The following LPO variants were observed in gnomAD, a reference collection of about 807,000 sequenced individuals.
LPO encodes the protein lactoperoxidase.
LPO carries 70 observed loss-of-function variants against 68.4 expected under a neutral mutation model. The ratio of observed to expected loss-of-function variants is 1.02; its 90% CI spans 0.84 to 1.25. The LOEUF (loss-of-function observed/expected upper bound fraction) is 1.25, where lower values mean the gene tolerates loss of function less well. Among genes scored for constraint, LPO ranks in the 50% most tolerant of loss-of-function variants. The probability of loss-of-function intolerance (pLI) is 0.00; values close to 1 mark genes in which losing one functional copy is unlikely to be tolerated. For synonymous variants in LPO, 360 were observed against 357.6 expected (o/e 1.01, Z -0.08); for missense variants, 873 against 908.4 (o/e 0.96, Z 0.50).
At position 58,266,222 on chromosome 17, in the gene LPO, T is replaced by C; in HGVS notation, c.1589T>C (p.Met530Thr). ...AAGCTGATGAAACAGAATAAAATGA[T>C]GACTGGAGAGCTGCGCAACAAGCTT... ...KSKLMKQNKM[M>T]TGELRNKLFQ... The change falls in exon 11 of 13, where the codon ATG becomes ACG. Residue 530 changes from methionine to threonine, a missense_variant. Physicochemically the swap from Met to Thr is moderately conservative, Grantham distance 81. Coordinates refer to ENST00000262290, the MANE Select transcript of LPO (RefSeq NM_006151.3). The C allele has an allele frequency of 6.2e-7, 1 of 1,614,144 alleles. No homozygotes were observed. Among genetic ancestry groups the C allele is most frequent in the Non-Finnish European group, 8.5e-7 (1 of 1,180,026 alleles).
At chr17:58,257,965 C>T (rs1313545166) in intron 9 of LPO, among the ~76,000 whole-genome samples, 3 of 152,136 alleles carry the variant, frequency 2.0e-5, no homozygotes, top group African/African-American at 4.8e-5. Flanking sequence ...AATCTTTTGC[C>T]TATCTTTTGA....
chr17:58,244,018 T>C lies in LPO; in HGVS notation c.101T>C (p.Ile34Thr). The C allele has an allele frequency of 1.2e-6, 2 of 1,613,580 alleles. No individual in the cohort carries two copies. Among genetic ancestry groups the C allele is most frequent in the Non-Finnish European group, 1.7e-6 (2 of 1,179,918 alleles). The change falls in exon 3 of 13, where the codon ATC becomes ACC. Residue 34 changes from isoleucine to threonine, a missense_variant. By Grantham distance (89) the Ile-to-Thr change is moderately conservative. Coordinates refer to ENST00000262290, the MANE Select transcript of LPO (RefSeq NM_006151.3). ...TRAQTTRTSA[I>T]SDTVSQAKVQ... ...GCGCAGACTACCAGAACCTCTGCCA[T>C]CTCCGATACTGTGAGTCAGGCCAAG...
chr17:58,261,759 T>C (rs1970179219), intron 9 of LPO, among the ~76,000 whole-genome samples: 2 of 152,174 alleles, frequency 1.3e-5, no homozygotes, highest in South Asian at 2.1e-4. Flanking sequence ...TTTTTAGAGG[T>C]CCATTTGATC....
intron 9 of LPO, among the ~76,000 whole-genome samples, chr17:58,264,433 CTT>C (rs1385390819): frequency 1.3e-5 from 2 of 152,178 alleles, no homozygotes; most frequent in Non-Finnish European, 2.9e-5. Context: ...AGGTCATAAA[CTT>C]AGCACAAAGA....
chr17:58,260,049 G>A (rs1317247164), intron 9 of LPO, among the ~76,000 whole-genome samples: 1 of 152,180 alleles, frequency 6.6e-6, no homozygotes, highest in Non-Finnish European at 1.5e-5. Flanking sequence ...TCTTGACCTC[G>A]TGATCCGCCC....
chr17:58,245,869 A>G (rs914976554), intron 3 of LPO, among the ~76,000 whole-genome samples: 1 of 152,210 alleles, frequency 6.6e-6, no homozygotes, highest in African/African-American at 2.4e-5. Context: ...ACCGGTGTTC[A>G]TACACCTCCT....
chr17:58,267,991 T>G lies in LPO; in HGVS notation c.2136T>G (p.Asn712Lys). 6.2e-7 allele frequency: 1 copy of G among 1,613,274 alleles called. No individual in the cohort carries two copies. Among genetic ancestry groups the G allele is most frequent in the African/African-American group, 1.3e-5 (1 of 75,014 alleles). Residue 712 changes from asparagine to lysine, a missense_variant, in exon 13 of 13, where the codon AAT (asparagine) becomes AAG (lysine). Coordinates refer to ENST00000262290, the MANE Select transcript of LPO (RefSeq NM_006151.3). ...TGTCACCCTGGGCCTCAGTGAAGAA[T>G]TAGGGGCCCGCGCTGCACAGGAAAG... is the stretch of plus-strand genomic sequence containing the variant. ...LDLSPWASVK[N>K] is the part of the protein sequence containing the mutation.
In LPO at chr17:58,268,144, GC is replaced by G; in HGVS notation, c.*154del. The G allele has an allele frequency of 1.3e-6, 1 of 774,764 alleles. No homozygotes were observed. The highest frequency in any genetic ancestry group is 2.0e-6 in the Non-Finnish European group (1 of 493,930). 48.0% of individuals were successfully genotyped at this position (774,764 alleles called of 1,614,324 possible). A position where few individuals can be genotyped will look rare whatever the true frequency, so the allele number is the denominator to read the frequency against. ...ACCCCTGGATGAACAGCTTGCTCAG[GC>G]CCCAGGGTGGCTGCCTCGGCCCTCC... On this transcript the variant is annotated 3_prime_UTR_variant, in exon 13 of 13. Coordinates refer to ENST00000262290, the MANE Select transcript of LPO (RefSeq NM_006151.3).
At position 58,254,869 on chromosome 17, in the gene LPO, C is replaced by T. The variant is rs753533769; in HGVS notation, c.1164C>T (p.Arg388=). 9.9e-6 allele frequency: 16 copies of T among 1,614,174 alleles called. No homozygotes were observed. The highest frequency in any genetic ancestry group is 6.7e-5 in the East Asian group (3 of 44,876). The change falls in exon 9 of 13, where the codon CGC becomes CGT. Residue 388 remains arginine, a synonymous_variant. Transcript: ENST00000262290. ...LLATSHTLFL[R]EHNRLARELK... is the part of the protein sequence containing the mutation. ...CCACATCCCACACCCTCTTTCTCCG[C>T]GAGCATAACCGGCTGGCCAGAGAAC...
chr17:58,249,614 GC>G lies in LPO; in HGVS notation c.495del (p.Ala166ArgfsTer38). On this transcript the variant is annotated frameshift_variant, in exon 6 of 13. Transcript: ENST00000262290. LOFTEE classifies it high-confidence loss of function. The part of the protein sequence containing the change: ...AANRALARWL[P>X]AEYEDGLSLP... ...CCAACAGGGCTCTGGCGCGCTGGCTGCCCGCGGAGTACGAGGACGGGCTCTC... is the reference window on the plus strand; with the variant it reads ...CCAACAGGGCTCTGGCGCGCTGGCTGCCGCGGAGTACGAGGACGGGCTCTC... The G allele has an allele frequency of 6.2e-7, 1 of 1,603,248 alleles. No individual in the cohort carries two copies.
chr17:58,241,547 G>C (rs964854885), intron 1 of LPO, among the ~76,000 whole-genome samples: 4 of 152,162 alleles, frequency 2.6e-5, no homozygotes, highest in African/African-American at 9.7e-5. Context: ...GCAAAATATG[G>C]TGACAGAGGG....
chr17:58,247,551 C>T lies in LPO; in HGVS notation c.238C>T (p.Arg80Trp), dbSNP rs978829900. The change falls in exon 4 of 13, where the codon CGG (arginine) becomes TGG (tryptophan). Residue 80 changes from arginine (R) to tryptophan (W), a missense_variant. Arg to Trp is a moderately radical substitution (Grantham distance 101). Transcript: ENST00000262290. ...AGAATACCTCAAGCATGCCAAAGGC[C>T]GGACGCGCACAGCCATCCGCAATGG... ...LSEYLKHAKG[R>W]TRTAIRNGQV... The T allele has an allele frequency of 3.1e-6, 5 of 1,614,028 alleles. No individual in the cohort carries two copies. Among genetic ancestry groups the T allele is most frequent in the Admixed American group, 3.3e-5 (2 of 59,994 alleles).
In LPO at chr17:58,267,897, G is replaced by T. The variant is rs536207857; in HGVS notation, c.2042G>T (p.Arg681Leu). The change falls in exon 13 of 13, where the codon CGG (arginine) becomes CTG (leucine). Residue 681 changes from arginine to leucine, a missense_variant. Coordinates refer to ENST00000262290, the MANE Select transcript of LPO (RefSeq NM_006151.3). ...CDNTRITKVPRDPFWANSYPY... is the reference protein window; with the variant it reads ...CDNTRITKVPLDPFWANSYPY... ...AACACCCGCATCACCAAGGTCCCAC[G>T]GGACCCATTCTGGGCCAACAGCTAC... 4 of 1,614,026 alleles carry T rather than the reference G, an allele frequency of 2.5e-6. No individual in the cohort carries two copies. The highest frequency in any genetic ancestry group is 4.5e-5 in the East Asian group (2 of 44,892).
At chr17:58,249,803 T>A (rs1461370205) in intron 6 of LPO, 108 bp downstream of exon 6, 1 of 1,391,946 alleles carries the variant, frequency 7.2e-7, no homozygotes, top group Non-Finnish European at 9.4e-7. Flanking sequence ...GCAGCAGGGG[T>A]GCGCGATGGA....
chr17:58,257,792 C>G (rs1970099428), intron 9 of LPO, among the ~76,000 whole-genome samples: 1 of 152,184 alleles, frequency 6.6e-6, no homozygotes, highest in Admixed American at 6.5e-5. Flanking sequence ...TTCTTGCCAG[C>G]ATTTGTTATT....
At position 58,252,221 on chromosome 17, in the gene LPO, T is replaced by C. The variant is rs980663825; in HGVS notation, c.820T>C (p.Cys274Arg). 2 of 1,613,962 alleles carry C rather than the reference T, an allele frequency of 1.2e-6. No homozygotes were observed. The highest frequency in any genetic ancestry group is 1.7e-6 in the Non-Finnish European group (2 of 1,180,008). Residue 274 changes from cysteine to arginine, a missense_variant, in exon 8 of 13, where the codon TGC (cysteine) becomes CGC (arginine). Transcript: ENST00000262290. ...NDPKAGTQGK[C>R]MPFFRAGFVC... is the part of the protein sequence containing the mutation. ...CCCCAAGGCGGGGACTCAAGGGAAA[T>C]GCATGCCTTTCTTCCGAGCTGGGTT... is the stretch of plus-strand genomic sequence containing the variant.
In LPO at chr17:58,254,967, T is replaced by C; in HGVS notation, c.1262T>C (p.Val421Ala). 6.2e-7 allele frequency: 1 copy of C among 1,613,952 alleles called. No homozygotes were observed. The highest frequency in any genetic ancestry group is 1.7e-4 in the Middle Eastern group (1 of 6,054). The change falls in exon 9 of 13, where the codon GTG becomes GCG. Residue 421 changes from valine (V) to alanine (A), a missense_variant. Coordinates refer to ENST00000262290, the MANE Select transcript of LPO (RefSeq NM_006151.3). ...QEARKILGAF[V>A]QIITFRDYLP... ...GCCCGGAAAATCCTGGGAGCCTTCG[T>C]GCAGGTAGGGAGTCCCAGGAGCACT... is the stretch of plus-strand genomic sequence containing the variant.
chr17:58,252,145 A>T, intron 7 of LPO, 37 bp from the exon 8 acceptor site: 1 of 1,593,886 alleles, frequency 6.3e-7, no homozygotes, highest in Non-Finnish European at 8.6e-7. Flanking sequence ...CAGCTGTTCC[A>T]CCCCTGCCCA....
intron 4 of LPO, 35 bp downstream of exon 4, chr17:58,247,673 G>T (rs1336981301): frequency 1.9e-6 from 3 of 1,603,048 alleles, no homozygotes; most frequent in Non-Finnish European, 2.6e-6. Flanking sequence ...GTGGCAGGAA[G>T]GGGTCATCTC....
Sources: allele counts gnomAD v4.1 joint callset (sites outside exome capture counted in the v4.1 genomes callset), GRCh38; gene constraint gnomAD v4.1.1; transcripts MANE v1.5; gene names NCBI Gene and HGNC (gene_info 2026-07-23, HGNC 2026-07-21).